LAMA1: variants seen among roughly 807,000 people sequenced by gnomAD.
LAMA1 encodes the protein laminin subunit alpha-1.
A neutral mutation model predicts 348.7 loss-of-function variants in LAMA1; 219 were observed. That is an observed-to-expected ratio of 0.63 (90% CI 0.56 to 0.70). LAMA1 has a LOEUF of 0.70. Ranked by LOEUF, LAMA1 falls within the 30% of genes least tolerant of loss-of-function variation. The probability of loss-of-function intolerance (pLI) is 0.00; values close to 1 mark genes in which losing one functional copy is unlikely to be tolerated. For synonymous variants in LAMA1, 1,487 were observed against 1,491.0 expected (o/e 1.00, Z 0.06); for missense variants, 3,744 against 3,888.0 (o/e 0.96, Z 0.99).
At chr18:7,060,810 G>A (rs1445757263) in intron 3 of LAMA1, among the ~76,000 whole-genome samples, 2 of 152,078 alleles carry the variant, frequency 1.3e-5, no homozygotes, top group East Asian at 1.9e-4. Flanking sequence ...GCTGACCCAC[G>A]GTCCAGGTGT....
intron 33 of LAMA1, among the ~76,000 whole-genome samples, chr18:6,997,535 C>T (rs751539340): frequency 1.3e-5 from 2 of 152,116 alleles, no homozygotes; most frequent in East Asian, 1.9e-4. Context: ...GCTGTCCCAC[C>T]GTGAAACAAG....
At chr18:7,046,663 T>C (rs2058042935) in intron 5 of LAMA1, among the ~76,000 whole-genome samples, 1 of 152,138 alleles carries the variant, frequency 6.6e-6, no homozygotes, top group Non-Finnish European at 1.5e-5. Flanking sequence ...CGTAAAATAA[T>C]TGGCAAATTG....
At position 6,949,091 on chromosome 18, in the gene LAMA1, T is replaced by C; in HGVS notation, c.8556+10A>G. The C allele has an allele frequency of 1.2e-6, 2 of 1,614,070 alleles. No individual in the cohort carries two copies. The stretch of plus-strand genomic sequence containing the variant: ...GAAGGTAAAATGTCAGTATGGAAAA[T>C]GCTGCTTACATTTCCAATTTTCCTG... On this transcript the variant is annotated intron_variant, in intron 59 of 62. Coordinates refer to ENST00000389658, the MANE Select transcript of LAMA1 (RefSeq NM_005559.4).
chr18:7,043,203 G>T (rs1298784562), intron 8 of LAMA1, 24 bp downstream of exon 8: 1 of 1,612,266 alleles, frequency 6.2e-7, no homozygotes, highest in Admixed American at 1.7e-5. Flanking sequence ...ATGAAGATCA[G>T]CAATGGCAAA....
chr18:7,041,940 C>T (rs1439733266), intron 9 of LAMA1, among the ~76,000 whole-genome samples: 1 of 152,162 alleles, frequency 6.6e-6, no homozygotes, highest in African/African-American at 2.4e-5. Context: ...TTTTTGTGAG[C>T]AAGGACTTTG....
chr18:7,056,285 A>C (rs2143737338), intron 3 of LAMA1, among the ~76,000 whole-genome samples: 1 of 152,318 alleles, frequency 6.6e-6, no homozygotes, highest in South Asian at 2.1e-4. Context: ...CACATGAGCC[A>C]GGGTGATCAG....
At chr18:7,085,410 C>CTTTTTTTT (rs1431304246) in intron 1 of LAMA1, among the ~76,000 whole-genome samples, 1 of 128,252 alleles carries the variant, frequency 7.8e-6, no homozygotes, top group African/African-American at 3.1e-5. Flanking sequence ...TCTTCTTCTT[C>CTTTTTTTT]TTCTTTTTTT....
Position 7,034,575 on chromosome 18 carries a change from C to T in LAMA1, c.1955G>A (p.Arg652Lys), listed in dbSNP as rs1430899095. The change falls in exon 14 of 63, where the codon AGG (arginine) becomes AAG (lysine). Residue 652 changes from arginine (R) to lysine (K), a missense_variant. Coordinates refer to ENST00000389658, the MANE Select transcript of LAMA1 (RefSeq NM_005559.4). ...CATCAGCTGGTCACGATCAATCTGC[C>T]TTTTGCTGTGAAAATCTTGGAAGTT... ...PENFQDFHSK[R>K]QIDRDQLMTV... 2 of 1,614,134 alleles carry T rather than the reference C, an allele frequency of 1.2e-6. No individual in the cohort carries two copies. Among genetic ancestry groups the T allele is most frequent in the Admixed American group, 1.7e-5 (1 of 60,016 alleles).
intron 3 of LAMA1, among the ~76,000 whole-genome samples, chr18:7,058,260 C>G (rs1050578561): frequency 2.6e-5 from 4 of 152,162 alleles, no homozygotes; most frequent in African/African-American, 9.7e-5. Context: ...AGTTACTTAA[C>G]TTTTATCTTG....
intron 1 of LAMA1, 101 bp from the exon 2 acceptor site, chr18:7,080,558 C>G (rs2058189250): frequency 8.2e-7 from 1 of 1,224,192 alleles, no homozygotes; most frequent in Admixed American, 2.0e-5. Context: ...GATTGAAAGT[C>G]TATGTGCTGA....
chr18:7,043,161 T>C (rs2058027742), intron 8 of LAMA1, 66 bp downstream of exon 8: 1 of 1,538,052 alleles, frequency 6.5e-7, no homozygotes, highest in Non-Finnish European at 9.0e-7. Flanking sequence ...GGTTAAGACT[T>C]GACAAAGTCT....
chr18:7,090,987 T>A (rs2058237722), intron 1 of LAMA1, among the ~76,000 whole-genome samples: 1 of 152,204 alleles, frequency 6.6e-6, no homozygotes, highest in African/African-American at 2.4e-5. Flanking sequence ...GAGAAACACA[T>A]GGTATGAACA....
intron 6 of LAMA1, 122 bp from the exon 7 acceptor site, chr18:7,044,961 AT>A: frequency 1.3e-6 from 1 of 790,050 alleles, no homozygotes. Flanking sequence ...AGGATATATG[AT>A]TATCATCAAA....
chr18:7,005,707 T>A (rs1223405557), intron 29 of LAMA1, among the ~76,000 whole-genome samples: 1 of 152,084 alleles, frequency 6.6e-6, no homozygotes, highest in African/African-American at 2.4e-5. Context: ...GACTGCGCCA[T>A]TGTACTCCAG....
In LAMA1 at chr18:7,011,309, T is replaced by C. The variant is rs1004292227; in HGVS notation, c.3678A>G (p.Gln1226=). ...TGGGCGTGCACCTCACCTGGTCTCC[T>C]TGGAACTGCTGCGGCAGCCGCCAGT... The part of the protein sequence containing the change: ...PFYWRLPQQF[Q]GDQLMAYGGK... Residue 1226 remains glutamine, a synonymous_variant, in exon 25 of 63, where the codon CAA becomes CAG. Transcript: ENST00000389658. 2 of 1,610,330 alleles carry C rather than the reference T, an allele frequency of 1.2e-6. No homozygotes were observed. The highest frequency in any genetic ancestry group is 2.7e-5 in the African/African-American group (2 of 74,854).
At chr18:7,049,041 T>C (rs2058052590) in intron 5 of LAMA1, 37 bp downstream of exon 5, 1 of 1,581,140 alleles carries the variant, frequency 6.3e-7, no homozygotes, top group African/African-American at 1.4e-5. Flanking sequence ...AATGAATCTT[T>C]TTATTTTATT....
intron 1 of LAMA1, among the ~76,000 whole-genome samples, chr18:7,097,056 T>C (rs2058264267): frequency 6.6e-6 from 1 of 152,152 alleles, no homozygotes; most frequent in Admixed American, 6.5e-5. Context: ...AATGATCTTA[T>C]CAGCAAAAGT....
At chr18:7,085,641 A>T (rs2058213625) in intron 1 of LAMA1, among the ~76,000 whole-genome samples, 1 of 151,960 alleles carries the variant, frequency 6.6e-6, no homozygotes, top group Non-Finnish European at 1.5e-5. Flanking sequence ...GATGGTCTCG[A>T]TCTCCTGACT....
intron 3 of LAMA1, among the ~76,000 whole-genome samples, chr18:7,070,904 C>A (rs76671547): frequency 1.0e-3 from 129 of 127,312 alleles, no homozygotes; most frequent in South Asian, 2.3e-3. Context: ...GCTTCTTGAT[C>A]AAAAAAAAAA....
Sources: gnomAD v4.1 joint callset for allele counts (sites outside exome capture counted in the v4.1 genomes callset) on GRCh38, gnomAD v4.1.1 for gene constraint, MANE v1.5 for transcripts, NCBI Gene and HGNC (gene_info 2026-07-23, HGNC 2026-07-21) for gene names.